The following ADAMTS17 variants were observed in gnomAD, a reference collection of about 807,000 sequenced individuals.
ADAMTS17 encodes A disintegrin and metalloproteinase with thrombospondin motifs 17.
A neutral mutation model predicts 141.5 loss-of-function variants in ADAMTS17; 113 were observed. The observed-to-expected ratio is 0.80, with a 90% CI of 0.69 to 0.93. The LOEUF (loss-of-function observed/expected upper bound fraction) is 0.93. Among genes scored for constraint, ADAMTS17 ranks in the 40% least tolerant of loss-of-function variants. The probability of loss-of-function intolerance (pLI) is 0.00; values close to 1 mark genes in which losing one functional copy is unlikely to be tolerated. For missense variants in ADAMTS17, 1,659 were observed against 1,517.9 expected (o/e 1.09, Z -1.54); for synonymous variants, 768 against 630.6 (o/e 1.22, Z -3.27).
chr15:100,178,330 G>C (rs1479131727), intron 8 of ADAMTS17, among the ~76,000 whole-genome samples: 1 of 152,044 alleles, frequency 6.6e-6, no homozygotes, highest in African/African-American at 2.4e-5. Context: ...AGTTCTCTTA[G>C]TGGTTCTTCT....
intron 10 of ADAMTS17, among the ~76,000 whole-genome samples, chr15:100,137,364 G>T (rs1210771691): frequency 6.6e-6 from 1 of 152,192 alleles, no homozygotes; most frequent in Non-Finnish European, 1.5e-5. Context: ...TGGGGAAAGA[G>T]TAAAATATAA....
intron 8 of ADAMTS17, among the ~76,000 whole-genome samples, chr15:100,165,220 T>C (rs1046496342): frequency 6.6e-6 from 1 of 152,140 alleles, no homozygotes; most frequent in African/African-American, 2.4e-5. Context: ...ACAAAGACAG[T>C]CCTTAGGGAG....
At chr15:100,103,810 A>G (rs2036263993) in intron 14 of ADAMTS17, among the ~76,000 whole-genome samples, 1 of 152,160 alleles carries the variant, frequency 6.6e-6, no homozygotes, top group Non-Finnish European at 1.5e-5. Context: ...TCCTGACCTT[A>G]GATAATCCAC....
chr15:100,185,027 TC>T lies in ADAMTS17; in HGVS notation c.1181+14290del, dbSNP rs1347713169. ...TTTTCCTGGGCCAAGAGCGCCTGCC[TC>T]CTCCCTGAGGATGCCTAACATGGAC... On this transcript the variant is annotated intron_variant, in intron 8 of 21. Coordinates refer to ENST00000268070, the MANE Select transcript of ADAMTS17 (RefSeq NM_139057.4). Among the ~76,000 whole-genome samples the T allele has an allele frequency of 2.6e-5, 4 of 152,174 alleles. No homozygotes were observed. The East Asian group carries it at 7.7e-4, about 29-fold the overall frequency.
At chr15:100,174,753 C>T (rs77235818) in intron 8 of ADAMTS17, among the ~76,000 whole-genome samples, 189 of 152,226 alleles carry the variant, frequency 1.2e-3, no homozygotes, top group Admixed American at 2.7e-3. Context: ...CTCAAAGCAA[C>T]GTTCATGTTA....
intron 15 of ADAMTS17, among the ~76,000 whole-genome samples, chr15:100,057,231 G>T (rs372402229): frequency 4.4e-4 from 67 of 152,276 alleles, no homozygotes; most frequent in African/African-American, 1.5e-3. Context: ...AGGCAAGAGA[G>T]GGAGAGTGGC....
chr15:100,123,102 G>C (rs947807456), intron 12 of ADAMTS17, among the ~76,000 whole-genome samples: 1 of 152,178 alleles, frequency 6.6e-6, no homozygotes. Context: ...CCCCACACTG[G>C]GCTGGGTGGA....
At chr15:100,002,923 C>T (rs537891675) in intron 18 of ADAMTS17, among the ~76,000 whole-genome samples, 1 of 152,178 alleles carries the variant, frequency 6.6e-6, no homozygotes, top group African/African-American at 2.4e-5. Flanking sequence ...TTACACAGCC[C>T]CCAGCACATG....
chr15:100,155,410 AG>A, intron 8 of ADAMTS17, 90 bp from the exon 9 acceptor site: 1 of 1,546,372 alleles, frequency 6.5e-7, no homozygotes, highest in Non-Finnish European at 8.7e-7. Flanking sequence ...AGGTAAATCA[AG>A]TCTTAAAAAC....
chr15:100,052,908 C>T (rs72768073), intron 16 of ADAMTS17, among the ~76,000 whole-genome samples: 5,013 of 152,346 alleles, frequency 0.033, 106 homozygotes, highest in Non-Finnish European at 0.053. Flanking sequence ...AACACCACTA[C>T]GGGGCAACGC....
chr15:100,048,744 C>G (rs568740900), intron 18 of ADAMTS17, 113 bp downstream of exon 18: 2 of 1,498,560 alleles, frequency 1.3e-6, no homozygotes, highest in South Asian at 2.3e-5. Context: ...TCAACAATAA[C>G]GGAACACAGC....
At chr15:100,014,328 A>G (rs2061246409) in intron 18 of ADAMTS17, among the ~76,000 whole-genome samples, 1 of 152,102 alleles carries the variant, frequency 6.6e-6, no homozygotes, top group African/African-American at 2.4e-5. Flanking sequence ...ATCTTTTCAA[A>G]GAACCAGCTT....
intron 7 of ADAMTS17, among the ~76,000 whole-genome samples, chr15:100,244,067 G>A: frequency 6.6e-6 from 1 of 152,056 alleles, no homozygotes; most frequent in Non-Finnish European, 1.5e-5. Context: ...AGGCCTCACA[G>A]TCATGGCGGA....
intron 3 of ADAMTS17, among the ~76,000 whole-genome samples, chr15:100,286,193 G>A (rs554987248): frequency 1.7e-4 from 26 of 152,224 alleles, no homozygotes; most frequent in Non-Finnish European, 3.2e-4. Flanking sequence ...CGGCACACAC[G>A]TATTGGCAGA....
intron 7 of ADAMTS17, among the ~76,000 whole-genome samples, chr15:100,253,530 A>AGG: frequency 1.4e-4 from 1 of 6,928 alleles, no homozygotes; most frequent in East Asian, 0.01. Flanking sequence ...GGGGAAGATA[A>AGG]GGGAGGGGAA....
chr15:100,018,469 T>C (rs1485862981), intron 18 of ADAMTS17, among the ~76,000 whole-genome samples: 1 of 152,170 alleles, frequency 6.6e-6, no homozygotes, highest in Non-Finnish European at 1.5e-5. Flanking sequence ...GGATTTCCCC[T>C]TTGCTGTTCT....
chr15:100,099,727 T>C (rs2035978471), intron 14 of ADAMTS17, among the ~76,000 whole-genome samples: 1 of 151,788 alleles, frequency 6.6e-6, no homozygotes, highest in Non-Finnish European at 1.5e-5. Context: ...ACGGCATAAT[T>C]AAAGGCATGG....
chr15:100,060,667 C>T (rs1001456383), intron 15 of ADAMTS17, among the ~76,000 whole-genome samples: 12 of 152,232 alleles, frequency 7.9e-5, no homozygotes, highest in Non-Finnish European at 1.6e-4. Flanking sequence ...ACTTCTAAAC[C>T]TGGCAGCAAG....
chr15:100,001,994 C>CAAAAA (rs71151931), intron 18 of ADAMTS17, among the ~76,000 whole-genome samples: 187 of 58,260 alleles, frequency 3.2e-3, no homozygotes, highest in African/African-American at 4.6e-3. Flanking sequence ...AGGCCAAACC[C>CAAAAA]AAAAAAAAAA....
Sources: allele counts gnomAD v4.1 joint callset (sites outside exome capture counted in the v4.1 genomes callset), GRCh38; gene constraint gnomAD v4.1.1; transcripts MANE v1.5; gene names NCBI Gene and HGNC (gene_info 2026-07-23, HGNC 2026-07-21).